The following CACNA2D3 variants were observed in gnomAD, a reference collection of about 807,000 sequenced individuals.
The protein encoded by CACNA2D3 is calcium voltage-gated channel auxiliary subunit alpha2delta 3.
CACNA2D3 carries 60 observed loss-of-function variants against 160.6 expected under a neutral mutation model. The ratio of observed to expected loss-of-function variants is 0.37; its 90% CI spans 0.30 to 0.46. The LOEUF (loss-of-function observed/expected upper bound fraction) is 0.46. CACNA2D3 is among the 20% of genes least tolerant of loss of function. CACNA2D3 has a pLI of 1.00. For synonymous variants in CACNA2D3, 558 were observed against 492.9 expected (o/e 1.13, Z -1.75); for missense variants, 1,205 against 1,365.0 (o/e 0.88, Z 1.85).
At chr3:54,476,063 T>TA (rs1553690937) in intron 4 of CACNA2D3, among the ~76,000 whole-genome samples, 5 of 150,416 alleles carry the variant, frequency 3.3e-5, no homozygotes, top group African/African-American at 1.2e-4. Flanking sequence ...TTTTTTTTTT[T>TA]AGATTTCACA....
chr3:54,472,572 A>G lies in CACNA2D3; in HGVS notation c.382-30920A>G, dbSNP rs771838047. On this transcript the variant is annotated intron_variant, in intron 4 of 37. Transcript: ENST00000474759. Reference sequence around the variant, plus strand: ...AAGAGAAAGAAATAAAGGGTATTCAAATAGGAAGAGAAGAAGTCAAATTGT... The same window carrying G: ...AAGAGAAAGAAATAAAGGGTATTCAGATAGGAAGAGAAGAAGTCAAATTGT... Among the ~76,000 whole-genome samples, 37 of 152,282 alleles carry G rather than the reference A, an allele frequency of 2.4e-4. 1 individual carries two copies. The highest frequency in any genetic ancestry group is 3.4e-4 in the Non-Finnish European group (23 of 68,022).
chr3:55,022,822 C>T (rs1459112092), intron 35 of CACNA2D3, among the ~76,000 whole-genome samples: 3 of 151,602 alleles, frequency 2.0e-5, no homozygotes, highest in Admixed American at 2.0e-4. Context: ...CCAGAACAAA[C>T]AAAAACTTAC....
chr3:54,364,990 C>T (rs1447268572), intron 3 of CACNA2D3, among the ~76,000 whole-genome samples: 1 of 152,164 alleles, frequency 6.6e-6, no homozygotes, highest in Non-Finnish European at 1.5e-5. Flanking sequence ...AAATTTTATG[C>T]TCTTTCTGTC....
At chr3:54,721,001 T>G (rs2106987240) in intron 11 of CACNA2D3, among the ~76,000 whole-genome samples, 1 of 152,254 alleles carries the variant, frequency 6.6e-6, no homozygotes. Flanking sequence ...TCTAGTTGAT[T>G]AATCTAAAAA....
intron 11 of CACNA2D3, among the ~76,000 whole-genome samples, chr3:54,676,921 A>G (rs1290143146): frequency 1.3e-5 from 2 of 152,186 alleles, no homozygotes; most frequent in African/African-American, 4.8e-5. Context: ...CCAAGTAGGG[A>G]GTCAGATGTC....
At chr3:54,980,950 T>C (rs1464429533) in intron 29 of CACNA2D3, among the ~76,000 whole-genome samples, 1 of 152,244 alleles carries the variant, frequency 6.6e-6, no homozygotes, top group Non-Finnish European at 1.5e-5. Flanking sequence ...TTTACTTTTC[T>C]GACAATATTT....
At chr3:54,159,018 C>T (rs1700294434) in intron 2 of CACNA2D3, among the ~76,000 whole-genome samples, 1 of 152,288 alleles carries the variant, frequency 6.6e-6, no homozygotes, top group South Asian at 2.1e-4. Flanking sequence ...TCACACTGCC[C>T]AGCAATTGTA....
chr3:54,624,910 G>A (rs77513427), intron 9 of CACNA2D3, among the ~76,000 whole-genome samples: 1,979 of 152,284 alleles, frequency 0.013, 49 homozygotes, highest in African/African-American at 0.045. Context: ...GATTTCCACC[G>A]GGGGTGGTTG....
At chr3:54,760,715 A>C (rs1348703627) in intron 12 of CACNA2D3, among the ~76,000 whole-genome samples, 2 of 152,036 alleles carry the variant, frequency 1.3e-5, no homozygotes, top group African/African-American at 4.8e-5. Context: ...ATAGGACCAG[A>C]AGAACATGCT....
intron 5 of CACNA2D3, among the ~76,000 whole-genome samples, chr3:54,508,151 A>G (rs1701402168): frequency 6.6e-6 from 1 of 152,220 alleles, no homozygotes; most frequent in South Asian, 2.1e-4. Flanking sequence ...AGTGGGAACA[A>G]CTGCTCCTTT....
At chr3:55,028,312 G>C (rs1703608880) in intron 35 of CACNA2D3, among the ~76,000 whole-genome samples, 1 of 152,152 alleles carries the variant, frequency 6.6e-6, no homozygotes, top group Admixed American at 6.5e-5. Flanking sequence ...GGTTTATTAA[G>C]AATGCAGGAG....
At position 54,537,808 on chromosome 3, in the gene CACNA2D3, C is replaced by T. The variant is rs545318173; in HGVS notation, c.545-24992C>T. Among the ~76,000 whole-genome samples the T allele has an allele frequency of 7.9e-5, 12 of 152,256 alleles. No individual in the cohort carries two copies. In the South Asian group the frequency reaches 1.2e-3, roughly 16 times the overall value. On this transcript the variant is annotated intron_variant, in intron 5 of 37. Coordinates refer to ENST00000474759, the MANE Select transcript of CACNA2D3 (RefSeq NM_018398.3). ...AGACAATGCTTGGGAAGCATACCAG[C>T]GGCTCACTCCGGACCTGAGCTGGGC...
At chr3:54,220,002 G>A (rs1163125825) in intron 2 of CACNA2D3, among the ~76,000 whole-genome samples, 2 of 152,036 alleles carry the variant, frequency 1.3e-5, no homozygotes, top group African/African-American at 4.8e-5. Flanking sequence ...ATTTTATTGT[G>A]CTAACTGTGC....
At position 54,367,165 on chromosome 3, in the gene CACNA2D3, A is replaced by C. The variant is rs150105405; in HGVS notation, c.322-19550A>C. ...CTTTTCTAATAATTTTCTACTCCCA[A>C]CAGCTGTCCAATCATATTTCTTAGA... On this transcript the variant is annotated intron_variant, in intron 3 of 37. Transcript: ENST00000474759. Among the ~76,000 whole-genome samples the C allele has an allele frequency of 4.6e-3, 704 of 152,090 alleles. 7 individuals carry two copies. The highest frequency in any genetic ancestry group is 0.015 in the African/African-American group (641 of 41,518).
intron 27 of CACNA2D3, among the ~76,000 whole-genome samples, chr3:54,907,685 T>G (rs1700474855): frequency 6.6e-6 from 1 of 152,190 alleles, no homozygotes; most frequent in Admixed American, 6.5e-5. Flanking sequence ...ATGTTTTGTA[T>G]TAAAACTTTG....
chr3:54,155,830 C>G (rs1700234626), intron 2 of CACNA2D3, among the ~76,000 whole-genome samples: 1 of 152,154 alleles, frequency 6.6e-6, no homozygotes, highest in South Asian at 2.1e-4. Flanking sequence ...GGGCAACTTC[C>G]CAGAACAAAA....
intron 16 of CACNA2D3, among the ~76,000 whole-genome samples, chr3:54,839,718 A>AG (rs1162410181): frequency 3.3e-5 from 5 of 152,160 alleles, no homozygotes; most frequent in African/African-American, 1.2e-4. Flanking sequence ...CACAGCTGTG[A>AG]GGGGGACCTG....
intron 11 of CACNA2D3, among the ~76,000 whole-genome samples, chr3:54,660,539 G>A (rs1204880876): frequency 6.6e-6 from 1 of 152,088 alleles, no homozygotes; most frequent in East Asian, 1.9e-4. Context: ...TAGATTTTGG[G>A]AAATCCTGTA....
At chr3:54,641,433 C>T (rs1388939577) in intron 10 of CACNA2D3, among the ~76,000 whole-genome samples, 1 of 152,074 alleles carries the variant, frequency 6.6e-6, no homozygotes, top group African/African-American at 2.4e-5. Context: ...TAGATGAAGC[C>T]TCTAAGTGGC....
Sources: allele counts gnomAD v4.1 joint callset (sites outside exome capture counted in the v4.1 genomes callset), GRCh38; gene constraint gnomAD v4.1.1; transcripts MANE v1.5; gene names NCBI Gene and HGNC (gene_info 2026-07-23, HGNC 2026-07-21).